Variants in TTN observed in about 807,000 individuals in gnomAD.
The protein encoded by TTN is connectin.
A neutral mutation model predicts 3,223.0 loss-of-function variants in TTN; 1,525 were observed. That is an observed-to-expected ratio of 0.47 (90% CI 0.45 to 0.49). The LOEUF is 0.49. Ranked by LOEUF, TTN falls within the 20% of genes least tolerant of loss-of-function variation. The probability of loss-of-function intolerance (pLI) is 0.00; values close to 1 mark genes in which losing one functional copy is unlikely to be tolerated. For missense variants in TTN, 40,786 were observed against 43,424.0 expected (o/e 0.94, Z 5.40); for synonymous variants, 14,094 against 15,161.0 (o/e 0.93, Z 5.17).
At position 178,664,836 on chromosome 2, in the gene TTN, G is replaced by T. The variant is rs955298408; in HGVS notation, c.36118+16C>A. ...CAAGAGCTAGTTCTTGACCCTGAGA[G>T]CATGGTGACTTGTACCTTTAACTGA... On this transcript the variant is annotated intron_variant, in intron 166 of 362. Transcript: ENST00000589042. 3.1e-6 allele frequency: 5 copies of T among 1,611,114 alleles called. No homozygotes were observed. Among genetic ancestry groups the T allele is most frequent in the African/African-American group, 2.7e-5 (2 of 74,982 alleles).
chr2:178,629,529 G>A, intron 239 of TTN, 86 bp from the exon 240 acceptor site: 4 of 1,581,994 alleles, frequency 2.5e-6, no homozygotes, highest in Non-Finnish European at 3.4e-6. Flanking sequence ...AATCTTCATG[G>A]TTGCTTTCTT....
Position 178,527,753 on chromosome 2 carries a change from G to A in TTN, c.107378-5C>T, listed in dbSNP as rs1687060290. On this transcript the variant is annotated splice_polypyrimidine_tract_variant and splice_region_variant and intron_variant, in intron 361 of 362. Transcript: ENST00000589042. ...TGGAAGGTTCTTCAACTAGAGCTGT[G>A]GAGCATAGCAGATACACAGTGAACA... 1 of 1,578,738 alleles carries A rather than the reference G, an allele frequency of 6.3e-7. No individual in the cohort carries two copies. Among genetic ancestry groups the A allele is most frequent in the East Asian group, 2.2e-5 (1 of 44,548 alleles).
chr2:178,606,686 G>T (rs563916463), intron 278 of TTN, among the ~76,000 whole-genome samples: 1 of 151,802 alleles, frequency 6.6e-6, no homozygotes, highest in Non-Finnish European at 1.5e-5. Flanking sequence ...TAACTACTAC[G>T]CTAGTAAGTT....
rs760769232 is a variant in TTN at position 178,704,791 on chromosome 2, G to A, written c.29695-14C>T. On this transcript the variant is annotated splice_polypyrimidine_tract_variant and intron_variant, in intron 104 of 362. Coordinates refer to ENST00000589042, the MANE Select transcript of TTN (RefSeq NM_001267550.2). ...CAGAGTGACAGGCTAGGAGAATAAA[G>A]AATTAAAACACATTTGTTACTCCTT... 3 of 1,606,368 alleles carry A rather than the reference G, an allele frequency of 1.9e-6. No individual in the cohort carries two copies. The highest frequency in any genetic ancestry group is 2.5e-6 in the Non-Finnish European group (3 of 1,177,030).
rs1031411188 is a variant in TTN at position 178,790,791 on chromosome 2, T to C, written c.1717A>G (p.Lys573Glu). The C allele has an allele frequency of 1.2e-6, 2 of 1,614,178 alleles. No homozygotes were observed. The highest frequency in any genetic ancestry group is 1.7e-6 in the Non-Finnish European group (2 of 1,180,008). ...GGGACTGTTTCTAGTTTTGTGGACT[T>C]TGCAGTGGCAACTACCACCATGGAT... is the stretch of plus-strand genomic sequence containing the variant. ...AASMVVVATAKSTKLETVPGA... is the reference protein window; with the variant it reads ...AASMVVVATAESTKLETVPGA... Residue 573 changes from lysine to glutamate, a missense_variant, in exon 11 of 363, where the codon AAG (lysine) becomes GAG (glutamate). By Grantham distance (56) the Lys-to-Glu change is moderately conservative. Transcript: ENST00000589042.
intron 111 of TTN, among the ~76,000 whole-genome samples, chr2:178,699,607 T>C (rs1254639251): frequency 2.7e-5 from 4 of 146,762 alleles, no homozygotes; most frequent in Non-Finnish European, 6.0e-5. Flanking sequence ...GAGACGGGGT[T>C]TCACCGTGTT....
intron 342 of TTN, 44 bp from the exon 343 acceptor site, chr2:178,546,160 C>G (rs1241043346): frequency 6.3e-7 from 1 of 1,586,644 alleles, no homozygotes; most frequent in African/African-American, 1.3e-5. Context: ...ATCATTCTTT[C>G]TGCCCACACT....
intron 63 of TTN, 48 bp downstream of exon 63, chr2:178,729,616 C>T: frequency 6.2e-7 from 1 of 1,613,234 alleles, no homozygotes; most frequent in Non-Finnish European, 8.5e-7. Context: ...AGACCCCAAA[C>T]TTATCAGGCA....
intron 278 of TTN, among the ~76,000 whole-genome samples, chr2:178,606,681 A>T (rs1358499075): frequency 6.6e-6 from 1 of 151,942 alleles, no homozygotes; most frequent in African/African-American, 2.4e-5. Flanking sequence ...CTCTTTAACT[A>T]CTACGCTAGT....
In TTN at chr2:178,706,564, T is replaced by G; in HGVS notation, c.29310A>C (p.Arg9770=). The change falls in exon 102 of 363, where the codon CGA becomes CGC. Residue 9770 remains arginine (R), a synonymous_variant. Coordinates refer to ENST00000589042, the MANE Select transcript of TTN (RefSeq NM_001267550.2). The part of the protein sequence containing the change: ...DTTKTDSGLY[R]CVAFNEHGEI... ...CACCATGTTCGTTAAATGCCACGCA[T>G]CGGTATAACCCAGAATCAGTTTTTG... is the stretch of plus-strand genomic sequence containing the variant. 1 of 1,613,934 alleles carries G rather than the reference T, an allele frequency of 6.2e-7. No individual in the cohort carries two copies. Among genetic ancestry groups the G allele is most frequent in the Non-Finnish European group, 8.5e-7 (1 of 1,179,842 alleles).
At position 178,634,766 on chromosome 2, in the gene TTN, G is replaced by A. The variant is rs1311474144; in HGVS notation, c.42108C>T (p.Tyr14036=). 2 of 1,613,102 alleles carry A rather than the reference G, an allele frequency of 1.2e-6. No homozygotes were observed. Among genetic ancestry groups the A allele is most frequent in the African/African-American group, 2.7e-5 (2 of 74,842 alleles). Residue 14036 remains tyrosine, a synonymous_variant, in exon 229 of 363, where the codon TAC becomes TAT. Coordinates refer to ENST00000589042, the MANE Select transcript of TTN (RefSeq NM_001267550.2). This position sits in a 1 kb window ranked among gnomAD's most constrained non-coding sequence, Gnocchi z 4.6. ...CAGTTGTAATTGCATTAAGGGCCTG[G>A]TAGAGGACTTCACCAGCTTGGTCCA... ...VKLDQAGEVL[Y]QALNAITTAI...
In TTN at chr2:178,720,021, G is replaced by A; in HGVS notation, c.23621C>T (p.Ala7874Val). 1.2e-6 allele frequency: 2 copies of A among 1,612,794 alleles called. No homozygotes were observed. The highest frequency in any genetic ancestry group is 2.2e-5 in the East Asian group (1 of 44,804). ...GACTGCAGAGCATTCTCTCATTCCA[G>A]CATCGTTTTTGATTTGGCATATATA... ...GKYICQIKND[A>V]GMRECSAVLT... Residue 7874 changes from alanine (A) to valine (V), a missense_variant, in exon 81 of 363, where the codon GCT (alanine) becomes GTT (valine). Transcript: ENST00000589042.
At position 178,720,914 on chromosome 2, in the gene TTN, G is replaced by T; in HGVS notation, c.23098+7C>A. On this transcript the variant is annotated splice_region_variant and intron_variant, in intron 79 of 362. Coordinates refer to ENST00000589042, the MANE Select transcript of TTN (RefSeq NM_001267550.2). ...ATAAAGAAACAAAGAAGCTTAGTGT[G>T]TCTAACCTTTCACTGTCAACGCTGT... is the stretch of plus-strand genomic sequence containing the variant. 6.3e-7 allele frequency: 1 copy of T among 1,580,822 alleles called. No homozygotes were observed. The highest frequency in any genetic ancestry group is 8.6e-7 in the Non-Finnish European group (1 of 1,158,780).
chr2:178,636,307 A>G lies in TTN; in HGVS notation c.41330-66T>C. On this transcript the variant is annotated intron_variant, in intron 225 of 362. Transcript: ENST00000589042. The surrounding 1 kb of genome is among the most constrained non-coding windows in gnomAD (Gnocchi z 4.3). ...TTTCAATGAAATAAAACTTGGAAAT[A>G]AGAGGTTTTGTAAAACTACAATGCA... 6.7e-7 allele frequency: 1 copy of G among 1,488,488 alleles called. No individual in the cohort carries two copies. Among genetic ancestry groups the G allele is most frequent in the Non-Finnish European group, 8.9e-7 (1 of 1,119,576 alleles). 92.2% of individuals were successfully genotyped at this position (1,488,488 alleles called of 1,614,324 possible).
rs935341485 is a variant in TTN, at chr2:178,561,554, T to C, written c.84578A>G (p.Tyr28193Cys). ...CCAAAGAATGCTGCTTCTTTCTTTA[T>C]ACTCAAGATGATAGCCAATTACTCG... ...GSRVIGYHLEYKERSSILWSK... is the reference protein window; with the variant it reads ...GSRVIGYHLECKERSSILWSK... Residue 28193 changes from tyrosine (Y) to cysteine (C), a missense_variant, in exon 326 of 363, where the codon TAT becomes TGT. Tyr to Cys is a radical substitution (Grantham distance 194, BLOSUM62 -2). Transcript: ENST00000589042. The C allele has an allele frequency of 5.0e-6, 8 of 1,613,272 alleles. No homozygotes were observed. In the Admixed American group the frequency reaches 5.0e-5, roughly 10 times the overall value.
In TTN at chr2:178,548,368, G is replaced by A. The variant is rs1698040646; in HGVS notation, c.93258C>T (p.Tyr31086=). 1 of 1,613,880 alleles carries A rather than the reference G, an allele frequency of 6.2e-7. No homozygotes were observed. The highest frequency in any genetic ancestry group is 1.7e-5 in the Admixed American group (1 of 60,002). Residue 31086 remains tyrosine, a synonymous_variant, in exon 339 of 363, where the codon TAC becomes TAT. Transcript: ENST00000589042. This position sits in a 1 kb window ranked among gnomAD's most constrained non-coding sequence, Gnocchi z 4.3. ...KVNDLAEGVP[Y]YFRVSAVNEY... is the part of the protein sequence containing the mutation. ...CATTTACTGCAGAAACACGGAAATA[G>A]TACGGAACACCTTCGGCCAGGTCAT... is the stretch of plus-strand genomic sequence containing the variant.
In TTN at chr2:178,587,615, C is replaced by T. The variant is rs767582181; in HGVS notation, c.63694G>A (p.Val21232Ile). The change falls in exon 306 of 363, where the codon GTC becomes ATC. Residue 21232 changes from valine (V) to isoleucine (I), a missense_variant. Val to Ile is a conservative substitution (Grantham distance 29). Transcript: ENST00000589042. ...TCATCACGGGTAGAATTGGGGATGACAAGGAAGGCCATAGTGTCAACCAGA... is the reference window on the plus strand; with the variant it reads ...TCATCACGGGTAGAATTGGGGATGATAAGGAAGGCCATAGTGTCAACCAGA... ...VDLVDTMAFL[V>I]IPNSTRDDSG... is the part of the protein sequence containing the mutation. 1 of 1,612,574 alleles carries T rather than the reference C, an allele frequency of 6.2e-7. No homozygotes were observed. The highest frequency in any genetic ancestry group is 8.5e-7 in the Non-Finnish European group (1 of 1,179,382).
chr2:178,545,723 T>C (rs1370573882), intron 343 of TTN, 30 bp from the exon 344 acceptor site: 30 of 1,603,996 alleles, frequency 1.9e-5, no homozygotes, highest in Non-Finnish European at 2.6e-5. Context: ...TGATGAGAAT[T>C]GCACAAAATT....
chr2:178,610,069 T>C, intron 271 of TTN, 21 bp downstream of exon 271: 1 of 1,612,540 alleles, frequency 6.2e-7, no homozygotes, highest in Non-Finnish European at 8.5e-7. Context: ...TTAGCCATAG[T>C]GCATCCATGT....
Sources: allele counts gnomAD v4.1 joint callset (sites outside exome capture counted in the v4.1 genomes callset), GRCh38; gene constraint gnomAD v4.1.1; non-coding constraint Gnocchi (gnomAD v3.1); transcripts MANE v1.5; gene names NCBI Gene and HGNC (gene_info 2026-07-23, HGNC 2026-07-21).